UTRN: variants seen among roughly 807,000 people sequenced by gnomAD.
UTRN encodes the protein dystrophin-related protein 1.
Under a neutral mutation model 463.9 loss-of-function variants are expected in UTRN, and 283 were observed. The ratio of observed to expected loss-of-function variants is 0.61; its 90% CI spans 0.55 to 0.67. UTRN has a LOEUF of 0.67. UTRN is among the 30% of genes least tolerant of loss of function. The pLI is 0.00. For synonymous variants in UTRN, 1,442 were observed against 1,431.5 expected, an observed-to-expected ratio of 1.01 and a Z score of -0.17; for missense variants, 3,922 against 4,084.3, an observed-to-expected ratio of 0.96 and a Z score of 1.08.
chr6:144,726,622 C>T (rs1176884868), intron 53 of UTRN, among the ~76,000 whole-genome samples: 1 of 152,046 alleles, frequency 6.6e-6, no homozygotes, highest in Non-Finnish European at 1.5e-5. Flanking sequence ...TAGAAGGTGC[C>T]AGGTCTAGGA....
chr6:144,819,911 C>CCTCCTCCCCCTCCTCT (rs11397588), intron 65 of UTRN, among the ~76,000 whole-genome samples: 3 of 118,610 alleles, frequency 2.5e-5, no homozygotes, highest in South Asian at 2.8e-4. Context: ...TCCTCCTCCT[C>CCTCCTCCCCCTCCTCT]CTCTCTCTCT....
intron 2 of UTRN, among the ~76,000 whole-genome samples, chr6:144,380,586 G>T (rs1016678048): frequency 6.6e-6 from 1 of 152,200 alleles, no homozygotes; most frequent in Non-Finnish European, 1.5e-5. Context: ...TGAGGTGGGA[G>T]GATTGCTTGA....
chr6:144,667,244 A>G (rs1488239616), intron 51 of UTRN, among the ~76,000 whole-genome samples: 2 of 151,870 alleles, frequency 1.3e-5, no homozygotes, highest in African/African-American at 4.8e-5. Context: ...TTTATGAGAG[A>G]TGGGATTTTC....
chr6:144,752,098 G>T, intron 56 of UTRN, 146 bp downstream of exon 56: 1 of 806,170 alleles, frequency 1.2e-6, no homozygotes. Flanking sequence ...TCAGGTATTT[G>T]TCTTTCAGTA....
intron 2 of UTRN, among the ~76,000 whole-genome samples, chr6:144,313,837 T>A (rs1775097662): frequency 6.6e-6 from 1 of 152,196 alleles, no homozygotes; most frequent in Non-Finnish European, 1.5e-5. Flanking sequence ...TAAGGCAAGG[T>A]CCTTGCTTGT....
intron 51 of UTRN, chr6:144,583,742 T>G (rs191338650): frequency 8.6e-5 from 38 of 441,584 alleles, no homozygotes; most frequent in African/African-American, 6.6e-4. Context: ...TAAAGTGAAT[T>G]GCATAATTAC....
Position 144,705,332 on chromosome 6 carries a change from G to A in UTRN, c.7809+5089G>A, listed in dbSNP as rs567911601. 3.2e-3 allele frequency among the ~76,000 whole-genome samples: 492 copies of A among 152,296 alleles called. 2 individuals carry two copies. Among genetic ancestry groups the A allele is most frequent in the Non-Finnish European group, 4.7e-3 (318 of 68,030 alleles). ...TCATTTGACTTACCCAAGCTTCAGT[G>A]TATGGAAATAAGTAGTATCTTAGTT... On this transcript the variant is annotated intron_variant, in intron 53 of 74. Transcript: ENST00000367545.
At position 144,756,506 on chromosome 6, in the gene UTRN, A is replaced by G. The variant is rs546119294; in HGVS notation, c.8435-1423A>G. Among the ~76,000 whole-genome samples the G allele has an allele frequency of 9.2e-5, 14 of 152,284 alleles. No individual in the cohort carries two copies. The South Asian group carries it at 2.7e-3, about 29-fold the overall frequency. The stretch of plus-strand genomic sequence containing the variant: ...AGTGGGGAAGTGTAAACAAAGTCCC[A>G]ATTAATACATTTAATAATTGTTATC... On this transcript the variant is annotated intron_variant, in intron 57 of 74. Transcript: ENST00000367545.
At chr6:144,752,591 G>C (rs1791519304) in intron 56 of UTRN, among the ~76,000 whole-genome samples, 1 of 152,148 alleles carries the variant, frequency 6.6e-6, no homozygotes, top group Non-Finnish European at 1.5e-5. Flanking sequence ...TAATGAAATT[G>C]AAGAAGTAAG....
chr6:144,646,209 G>C (rs1196525932), intron 51 of UTRN, among the ~76,000 whole-genome samples: 1 of 152,122 alleles, frequency 6.6e-6, no homozygotes, highest in African/African-American at 2.4e-5. Flanking sequence ...AGTTATTGAG[G>C]CATGTTTTTC....
At chr6:144,568,852 A>T (rs925604412) in intron 50 of UTRN, among the ~76,000 whole-genome samples, 3 of 152,122 alleles carry the variant, frequency 2.0e-5, no homozygotes, top group Admixed American at 1.3e-4. Context: ...TAAATTGGAG[A>T]TTTGAAATGA....
chr6:144,346,922 G>T (rs893558609), intron 2 of UTRN, among the ~76,000 whole-genome samples: 7 of 144,698 alleles, frequency 4.8e-5, no homozygotes, highest in African/African-American at 1.4e-4. Context: ...TCTATCTATC[G>T]ATCTCTATCT....
At chr6:144,414,818 C>A (rs1371014410) in intron 3 of UTRN, among the ~76,000 whole-genome samples, 1 of 151,552 alleles carries the variant, frequency 6.6e-6, no homozygotes, top group Non-Finnish European at 1.5e-5. Context: ...CAGGTTCAAG[C>A]GATTCTCCTG....
intron 51 of UTRN, among the ~76,000 whole-genome samples, chr6:144,634,748 T>A (rs1445536933): frequency 1.3e-5 from 2 of 152,206 alleles, no homozygotes; most frequent in African/African-American, 4.8e-5. Flanking sequence ...GAGTATTTCA[T>A]ATAAATAGAA....
At chr6:144,684,144 G>T (rs1562761571) in intron 52 of UTRN, among the ~76,000 whole-genome samples, 1 of 151,566 alleles carries the variant, frequency 6.6e-6, no homozygotes, top group African/African-American at 2.4e-5. Flanking sequence ...CCACCTCCTG[G>T]GTTTAAGTGA....
rs951486329 is a variant in UTRN, at chr6:144,479,993, G to A, written c.3507+11G>A. 5.0e-6 allele frequency: 8 copies of A among 1,612,232 alleles called. No individual in the cohort carries two copies. Among genetic ancestry groups the A allele is most frequent in the Non-Finnish European group, 6.8e-6 (8 of 1,179,248 alleles). ...GTGGAAGAGATGAAGGTGAGGCGGGGACGACCAGTGCCAACAGGCTTCATG... is the reference window on the plus strand; with the variant it reads ...GTGGAAGAGATGAAGGTGAGGCGGGAACGACCAGTGCCAACAGGCTTCATG... On this transcript the variant is annotated intron_variant, in intron 26 of 74. Transcript: ENST00000367545.
chr6:144,560,944 C>A (rs1453907495), intron 50 of UTRN, among the ~76,000 whole-genome samples: 1 of 151,710 alleles, frequency 6.6e-6, no homozygotes, highest in East Asian at 1.9e-4. Context: ...TGAAACGCAA[C>A]TGAATCCTGA....
At chr6:144,406,170 G>C (rs996957673) in intron 3 of UTRN, among the ~76,000 whole-genome samples, 2 of 152,042 alleles carry the variant, frequency 1.3e-5, no homozygotes, top group African/African-American at 2.4e-5. Context: ...AGCTTACTGG[G>C]TCCCTCATTA....
intron 52 of UTRN, among the ~76,000 whole-genome samples, chr6:144,680,793 G>C (rs1485333815): frequency 6.6e-6 from 1 of 152,160 alleles, no homozygotes; most frequent in Non-Finnish European, 1.5e-5. Context: ...CTGGGGAAGG[G>C]TAACTAAGTT....
Sources: gnomAD v4.1 joint callset for allele counts (sites outside exome capture counted in the v4.1 genomes callset) on GRCh38, gnomAD v4.1.1 for gene constraint, MANE v1.5 for transcripts, NCBI Gene and HGNC (gene_info 2026-07-23, HGNC 2026-07-21) for gene names.